The following THOC1 variants were observed in gnomAD, a reference collection of about 807,000 sequenced individuals.
THOC1 encodes THO complex subunit 1, also known as THO complex 1.
Under a neutral mutation model 97.3 loss-of-function variants are expected in THOC1, and 29 were observed. That is an observed-to-expected ratio of 0.30 (90% CI 0.22 to 0.41). THOC1 has a LOEUF of 0.41. Among genes scored for constraint, THOC1 ranks in the 10% least tolerant of loss-of-function variants. The pLI, the probability that THOC1 is intolerant of heterozygous loss-of-function variation, is 1.00. For synonymous variants in THOC1, 255 were observed against 257.0 expected (o/e 0.99, Z 0.07); for missense variants, 529 against 761.9 (o/e 0.69, Z 3.60).
intron 6 of THOC1, 33 bp from the exon 7 acceptor site, chr18:259,308 A>G (rs1394619995): frequency 1.3e-6 from 2 of 1,518,156 alleles, no homozygotes; most frequent in African/African-American, 2.8e-5. Context: ...GTTACACAGA[A>G]AAGATAATTC....
chr18:235,152 G>T, intron 11 of THOC1, among the ~76,000 whole-genome samples: 1 of 150,084 alleles, frequency 6.7e-6, no homozygotes, highest in African/African-American at 2.5e-5. Context: ...ATTTTATTAG[G>T]CTTCAAAATT....
intron 1 of THOC1, among the ~76,000 whole-genome samples, chr18:265,799 T>C (rs766076260): frequency 4.1e-5 from 6 of 146,360 alleles, no homozygotes; most frequent in African/African-American, 1.5e-4. Context: ...TTCATGAGTA[T>C]TGTGCTTACA....
chr18:225,555 A>G (rs762927010), intron 12 of THOC1, 152 bp from the exon 13 acceptor site: 15 of 645,338 alleles, frequency 2.3e-5, no homozygotes, highest in Non-Finnish European at 3.4e-5. Context: ...AGAGGATTAT[A>G]AGAGAAAATT....
At chr18:260,081 G>T in intron 5 of THOC1, 105 bp downstream of exon 5, 1 of 676,950 alleles carries the variant, frequency 1.5e-6, no homozygotes, top group Non-Finnish European at 2.3e-6. Flanking sequence ...GAAACTTGTT[G>T]GCATTCAGCA....
chr18:258,131 T>TTTTCTTCTCACTTTTTCTCA (rs1252286662), intron 7 of THOC1, among the ~76,000 whole-genome samples: 7 of 152,036 alleles, frequency 4.6e-5, no homozygotes, highest in Admixed American at 3.3e-4. Flanking sequence ...ATGTAGATTA[T>TTTTCTTCTCACTTTTTCTCA]CTTCAAGAAG....
At chr18:256,361 T>C (rs1912435367) in intron 7 of THOC1, among the ~76,000 whole-genome samples, 1 of 152,206 alleles carries the variant, frequency 6.6e-6, no homozygotes, top group Admixed American at 6.5e-5. Context: ...CCCTCATAGA[T>C]GACTTCGAGG....
chr18:259,015 C>T (rs1912520535), intron 7 of THOC1, among the ~76,000 whole-genome samples, 165 bp downstream of exon 7: 1 of 152,090 alleles, frequency 6.6e-6, no homozygotes, highest in Non-Finnish European at 1.5e-5. Flanking sequence ...GTATTATATA[C>T]TAGGACTGCT....
chr18:254,380 G>A lies in THOC1; in HGVS notation c.521-25C>T. 6.9e-7 allele frequency: 1 copy of A among 1,449,396 alleles called. No homozygotes were observed. Among genetic ancestry groups the A allele is most frequent in the Non-Finnish European group, 9.5e-7 (1 of 1,056,664 alleles). The allele number at this position is 1,449,396 out of a possible 1,614,324, so 89.8% of individuals were successfully genotyped here. ...CCTAGTAAAAAAACAAAAAAAAGAT[G>A]CAAAGCAAGTCCAGTGACACCTAAA... On this transcript the variant is annotated intron_variant, in intron 7 of 20. Transcript: ENST00000261600. The surrounding 1 kb of genome is among the most constrained non-coding windows in gnomAD (Gnocchi z 4.1).
chr18:265,177 T>G, intron 3 of THOC1, 126 bp downstream of exon 3: 4 of 747,300 alleles, frequency 5.4e-6, no homozygotes, highest in Non-Finnish European at 8.6e-6. Flanking sequence ...AGTCAACTTT[T>G]ACAAAGCAGA....
intron 11 of THOC1, among the ~76,000 whole-genome samples, chr18:235,836 C>T (rs1343173532): frequency 6.6e-6 from 1 of 152,170 alleles, no homozygotes. Context: ...TTGTTCTATA[C>T]TACACCAAGC....
At chr18:265,209 G>A in intron 3 of THOC1, 94 bp downstream of exon 3, 1 of 970,820 alleles carries the variant, frequency 1.0e-6, no homozygotes. Context: ...AAAAAAAGAT[G>A]TTTAAATATC....
intron 1 of THOC1, among the ~76,000 whole-genome samples, chr18:266,075 C>T (rs570826651): frequency 1.3e-5 from 2 of 152,332 alleles, no homozygotes; most frequent in Admixed American, 1.3e-4. Flanking sequence ...GTCTCGCCTC[C>T]TGGAGGTATC....
intron 4 of THOC1, among the ~76,000 whole-genome samples, chr18:262,841 A>T (rs1490330208): frequency 6.8e-6 from 1 of 147,074 alleles, no homozygotes; most frequent in African/African-American, 2.6e-5. Flanking sequence ...GTTTTCACAT[A>T]TATTATTTGA....
intron 6 of THOC1, 25 bp from the exon 7 acceptor site, chr18:259,300 T>C (rs1912531432): frequency 6.5e-7 from 1 of 1,526,730 alleles, no homozygotes. Context: ...AAATGAACGT[T>C]ACACAGAAAA....
rs1381697316 is a variant in THOC1, at chr18:218,915, G to T, written c.1425C>A (p.Asp475Glu). 6.2e-7 allele frequency: 1 copy of T among 1,604,960 alleles called. No homozygotes were observed. ...ATTCATTTTCCACCATATTTTCAGG[G>T]TCTGCCTGTTCAATGGCTTCTTCAA... ...EFFEEAIEQA[D>E]PENMVENEYK... Residue 475 changes from aspartate (D) to glutamate (E), a missense_variant, in exon 18 of 21, where the codon GAC becomes GAA. By Grantham distance (45) the Asp-to-Glu change is conservative (BLOSUM62 2). Transcript: ENST00000261600.
At chr18:253,607 A>G (rs982352939) in intron 8 of THOC1, among the ~76,000 whole-genome samples, 2 of 152,338 alleles carry the variant, frequency 1.3e-5, no homozygotes, top group African/African-American at 2.4e-5. Context: ...GAATTTATAG[A>G]AAAAATACAT....
chr18:247,760 G>C (rs1443742026), intron 10 of THOC1, 89 bp downstream of exon 10: 1 of 756,030 alleles, frequency 1.3e-6, no homozygotes, highest in East Asian at 2.7e-5. Flanking sequence ...GAATTACATA[G>C]TGAAAAGTAT....
At chr18:246,259 T>C (rs1912083061) in intron 11 of THOC1, 65 bp downstream of exon 11, 3 of 1,233,642 alleles carry the variant, frequency 2.4e-6, no homozygotes, top group Middle Eastern at 2.8e-4. Context: ...AGAAAGGCTG[T>C]CAGCTAAACG....
At chr18:240,490 G>T (rs1911860012) in intron 11 of THOC1, among the ~76,000 whole-genome samples, 1 of 152,194 alleles carries the variant, frequency 6.6e-6, no homozygotes, top group Admixed American at 6.5e-5. Flanking sequence ...AAAACAGAGG[G>T]TAGTTCATGC....
Sources: allele counts gnomAD v4.1 joint callset (sites outside exome capture counted in the v4.1 genomes callset), GRCh38; gene constraint gnomAD v4.1.1; non-coding constraint Gnocchi (gnomAD v3.1); transcripts MANE v1.5; gene names NCBI Gene and HGNC (gene_info 2026-07-23, HGNC 2026-07-21).